Variants in CNTLN observed in about 807,000 individuals in gnomAD.
CNTLN encodes centlein, also known as centlein, centrosomal protein.
A neutral mutation model predicts 180.0 loss-of-function variants in CNTLN; 212 were observed. The ratio of observed to expected loss-of-function variants is 1.18; its 90% CI spans 1.05 to 1.32. The LOEUF (loss-of-function observed/expected upper bound fraction) is 1.32, where lower values mean the gene tolerates loss of function less well. CNTLN is among the 40% of genes most tolerant of loss of function. The pLI, the probability that CNTLN is intolerant of heterozygous loss-of-function variation, is 0.00. For missense variants in CNTLN, 2,095 were observed against 1,610.9 expected (o/e 1.30, Z -5.14); for synonymous variants, 722 against 563.1 (o/e 1.28, Z -3.99).
intron 12 of CNTLN, among the ~76,000 whole-genome samples, chr9:17,358,881 A>C (rs557920210): frequency 6.6e-6 from 1 of 152,296 alleles, no homozygotes; most frequent in Non-Finnish European, 1.5e-5. Context: ...AGCCAACTCC[A>C]AACCCAAAAG....
intron 18 of CNTLN, among the ~76,000 whole-genome samples, chr9:17,434,787 C>G (rs867531892): frequency 6.6e-6 from 1 of 151,676 alleles, no homozygotes; most frequent in Non-Finnish European, 1.5e-5. Flanking sequence ...TGTGAAGTCT[C>G]TCTTCATTCC....
At chr9:17,490,107 G>T (rs1833077260) in intron 25 of CNTLN, among the ~76,000 whole-genome samples, 1 of 152,148 alleles carries the variant, frequency 6.6e-6, no homozygotes, top group African/African-American at 2.4e-5. Flanking sequence ...AATAGGAAAA[G>T]TAGGCTGGGA....
At chr9:17,266,321 G>A (rs927486203) in intron 5 of CNTLN, among the ~76,000 whole-genome samples, 1 of 152,178 alleles carries the variant, frequency 6.6e-6, no homozygotes, top group African/African-American at 2.4e-5. Context: ...GGACCAGGTT[G>A]TTGAGTTTCC....
intron 9 of CNTLN, among the ~76,000 whole-genome samples, chr9:17,331,703 T>C (rs1820655672): frequency 6.6e-6 from 1 of 152,026 alleles, no homozygotes; most frequent in Non-Finnish European, 1.5e-5. Context: ...CTCTCTGAAA[T>C]TATTAGTAAT....
At chr9:17,233,406 G>A (rs756765937) in intron 3 of CNTLN, among the ~76,000 whole-genome samples, 5 of 152,024 alleles carry the variant, frequency 3.3e-5, no homozygotes, top group African/African-American at 4.8e-5. Flanking sequence ...TCCTTTAACT[G>A]TAGTTTCATT....
chr9:17,413,479 C>G (rs1041534025), intron 16 of CNTLN, among the ~76,000 whole-genome samples: 1 of 152,022 alleles, frequency 6.6e-6, no homozygotes, highest in African/African-American at 2.4e-5. Flanking sequence ...AAAAGACAAG[C>G]CACAGAGTGA....
intron 23 of CNTLN, among the ~76,000 whole-genome samples, chr9:17,483,619 G>T (rs1283379491): frequency 6.6e-6 from 1 of 152,196 alleles, no homozygotes; most frequent in Admixed American, 6.5e-5. Context: ...AAATTAAGGA[G>T]TAACTTTTTG....
rs1167319154 is a variant in CNTLN at position 17,273,831 on chromosome 9, A to T, written c.948A>T (p.Glu316Asp). The change falls in exon 6 of 26, where the codon GAA (glutamate) becomes GAT (aspartate). Residue 316 changes from glutamate (E) to aspartate (D), a missense_variant. By Grantham distance (45) the Glu-to-Asp change is conservative. Transcript: ENST00000380647. Reference sequence around the variant, plus strand: ...TACAGTTGAGTAATAAACAGACTGAACTTATCCAGAAGGATATGGATATTA... The same window carrying T: ...TACAGTTGAGTAATAAACAGACTGATCTTATCCAGAAGGATATGGATATTA... Reference protein sequence around the residue: ...LSLQLSNKQTELIQKDMDITL... With the variant: ...LSLQLSNKQTDLIQKDMDITL... The T allele has an allele frequency of 1.3e-6, 2 of 1,572,296 alleles. No homozygotes were observed. The highest frequency in any genetic ancestry group is 4.7e-5 in the East Asian group (2 of 42,540).
intron 14 of CNTLN, among the ~76,000 whole-genome samples, chr9:17,389,002 A>C (rs995770986): frequency 6.6e-6 from 1 of 151,974 alleles, no homozygotes; most frequent in African/African-American, 2.4e-5. Context: ...GCTACATTAG[A>C]TTGATTTTAG....
At chr9:17,261,071 T>A (rs555081307) in intron 5 of CNTLN, among the ~76,000 whole-genome samples, 1 of 151,586 alleles carries the variant, frequency 6.6e-6, no homozygotes, top group African/African-American at 2.4e-5. Flanking sequence ...GCTATTTTGG[T>A]TACTGTAGCC....
intron 18 of CNTLN, among the ~76,000 whole-genome samples, chr9:17,420,415 C>T (rs1828624266): frequency 6.6e-6 from 1 of 152,086 alleles, no homozygotes; most frequent in African/African-American, 2.4e-5. Flanking sequence ...GTAATATCTG[C>T]TTTTTCACCT....
chr9:17,144,986 C>T lies in CNTLN; in HGVS notation c.449+1610C>T, dbSNP rs541477649. On this transcript the variant is annotated intron_variant, in intron 2 of 25. Transcript: ENST00000380647. ...CCTCCCGAGTAGCTGGGACTACAGG[C>T]GCCCGCCACCGCGCCCGGCTAATTT... Among the ~76,000 whole-genome samples, 1,085 of 150,986 alleles carry T rather than the reference C, an allele frequency of 7.2e-3. 23 individuals are homozygous for T. Among genetic ancestry groups the T allele is most frequent in the African/African-American group, 0.025 (1,025 of 41,276 alleles).
At chr9:17,147,127 C>G (rs557331188) in intron 2 of CNTLN, among the ~76,000 whole-genome samples, 1 of 152,206 alleles carries the variant, frequency 6.6e-6, no homozygotes, top group Admixed American at 6.5e-5. Context: ...TAAGGTTTGC[C>G]TATGGGCTTT....
chr9:17,211,797 A>G lies in CNTLN; in HGVS notation c.450-14406A>G, dbSNP rs1203995212. Among the ~76,000 whole-genome samples, 6 of 151,876 alleles carry G rather than the reference A, an allele frequency of 4.0e-5. No individual in the cohort carries two copies. The South Asian group carries it at 6.2e-4, about 16-fold the overall frequency. On this transcript the variant is annotated intron_variant, in intron 2 of 25. Coordinates refer to ENST00000380647, the MANE Select transcript of CNTLN (RefSeq NM_017738.4). The stretch of plus-strand genomic sequence containing the variant: ...TCCCTTGTAAGTTGGATTCCTAGGT[A>G]TTTTATTCTCTTTGAAGCAATTGTG...
At chr9:17,185,701 C>G (rs1240470082) in intron 2 of CNTLN, among the ~76,000 whole-genome samples, 1 of 151,920 alleles carries the variant, frequency 6.6e-6, no homozygotes, top group Non-Finnish European at 1.5e-5. Context: ...TCTTTCCTAT[C>G]TATGCCTTGC....
intron 1 of CNTLN, among the ~76,000 whole-genome samples, chr9:17,137,207 T>C (rs1384603793): frequency 6.6e-6 from 1 of 152,180 alleles, no homozygotes; most frequent in African/African-American, 2.4e-5. Flanking sequence ...GTCATAATAG[T>C]CTAGAATGAT....
At chr9:17,521,899 T>A in the CNTLN span, among the ~76,000 whole-genome samples, 3 of 152,334 alleles carry the variant, frequency 2.0e-5, no homozygotes. Flanking sequence ...GCTATAGCAT[T>A]TCAAAGATTT....
chr9:17,284,719 T>G (rs542160100), intron 6 of CNTLN, among the ~76,000 whole-genome samples: 1 of 152,124 alleles, frequency 6.6e-6, no homozygotes, highest in Admixed American at 6.6e-5. Flanking sequence ...CTGGATTCAT[T>G]GATTTTTTTG....
At chr9:17,185,127 T>C (rs1173979683) in intron 2 of CNTLN, among the ~76,000 whole-genome samples, 1 of 152,220 alleles carries the variant, frequency 6.6e-6, no homozygotes, top group Non-Finnish European at 1.5e-5. Context: ...CTTTTGGAAT[T>C]CTAGAAATGA....
Sources: gnomAD v4.1 joint callset for allele counts (sites outside exome capture counted in the v4.1 genomes callset) on GRCh38, gnomAD v4.1.1 for gene constraint, MANE v1.5 for transcripts, NCBI Gene and HGNC (gene_info 2026-07-23, HGNC 2026-07-21) for gene names.